Variants in APOB observed in about 807,000 individuals in gnomAD.
The protein encoded by APOB is apolipoprotein B-100.
A neutral mutation model predicts 314.1 loss-of-function variants in APOB; 153 were observed. The observed-to-expected ratio is 0.49, with a 90% CI of 0.43 to 0.56. The LOEUF (loss-of-function observed/expected upper bound fraction) is 0.56. APOB is among the 20% of genes least tolerant of loss of function. The pLI is 0.00. For missense variants in APOB, 5,430 were observed against 5,350.7 expected (o/e 1.01, Z -0.46); for synonymous variants, 2,087 against 2,036.4 (o/e 1.02, Z -0.67).
At chr2:21,027,711 G>T in intron 14 of APOB, 117 bp downstream of exon 14, 1 of 815,520 alleles carries the variant, frequency 1.2e-6, no homozygotes, top group Non-Finnish European at 2.1e-6. Context: ...TCAGAATCAT[G>T]GTAGGAAGTG....
intron 4 of APOB, among the ~76,000 whole-genome samples, chr2:21,039,596 C>T (rs1664085035): frequency 6.6e-6 from 1 of 152,224 alleles, no homozygotes; most frequent in East Asian, 1.9e-4. Context: ...ATGCTAATTA[C>T]TCTGATCTGA....
In APOB at chr2:21,005,678, G is replaced by A. The variant is rs75165693; in HGVS notation, c.11190C>T (p.Phe3730=). ...CATTTAGTTTCAGCCCAGGAATAAT[G>A]AATTTATCAGCCAAAACTTTTACAG... ...SIPVKVLADK[F]IIPGLKLNDL... Residue 3730 remains phenylalanine (F), a synonymous_variant, in exon 26 of 29, where the codon TTC becomes TTT. Transcript: ENST00000233242. The A allele has an allele frequency of 6.2e-7, 1 of 1,613,940 alleles. No individual in the cohort carries two copies. The highest frequency in any genetic ancestry group is 1.3e-5 in the African/African-American group (1 of 75,012).
Position 21,013,296 on chromosome 2 carries a change from C to G in APOB, c.4080G>C (p.Thr1360=), listed in dbSNP as rs374558307. 6 of 1,614,150 alleles carry G rather than the reference C, an allele frequency of 3.7e-6. No individual in the cohort carries two copies. In the Admixed American group the frequency reaches 8.3e-5, roughly 22 times the overall value. Residue 1360 remains threonine (T), a synonymous_variant, in exon 25 of 29, where the codon ACG becomes ACC. Coordinates refer to ENST00000233242, the MANE Select transcript of APOB (RefSeq NM_000384.3). The part of the protein sequence containing the change: ...VPLLGVLDLS[T]NVYSNLYNWS... ...AGTTGTACAAGTTGCTGTAGACATT[C>G]GTGGAGAGGTCTAGAACACCCAGGA...
Position 21,011,120 on chromosome 2 carries a change from T to C in APOB, c.5748A>G (p.Lys1916=). 1 of 1,614,000 alleles carries C rather than the reference T, an allele frequency of 6.2e-7. No individual in the cohort carries two copies. The highest frequency in any genetic ancestry group is 8.5e-7 in the Non-Finnish European group (1 of 1,179,990). Residue 1916 remains lysine (K), a synonymous_variant, in exon 26 of 29, where the codon AAA becomes AAG. Transcript: ENST00000233242. ...TIDAHTNGNG[K]LALWGEHTGQ... is the part of the protein sequence containing the mutation. Reference sequence around the variant, plus strand: ...CAGTATGTTCTCCCCAGAGAGCGAGTTTCCCATTGCCATTTGTATGTGCAT... The same window carrying C: ...CAGTATGTTCTCCCCAGAGAGCGAGCTTCCCATTGCCATTTGTATGTGCAT...
Position 21,043,956 on chromosome 2 carries a change from G to C in APOB, c.-11C>G. ...CCTCGGCGGGTCCATCGCCAGCTGC[G>C]GTGGGGCGGCTCCTGGGCTGCGGCC... On this transcript the variant is annotated 5_prime_UTR_variant, in exon 1 of 29. Coordinates refer to ENST00000233242, the MANE Select transcript of APOB (RefSeq NM_000384.3). The C allele has an allele frequency of 2.3e-6, 3 of 1,285,708 alleles. No homozygotes were observed. The highest frequency in any genetic ancestry group is 3.0e-6 in the Non-Finnish European group (3 of 1,008,652). The allele number at this position is 1,285,708 out of a possible 1,614,324, so 79.6% of individuals were successfully genotyped here.
rs953228158 is a variant in APOB at position 21,015,276 on chromosome 2, A to G, written c.3509-16T>C. The G allele has an allele frequency of 4.3e-6, 7 of 1,614,046 alleles. No homozygotes were observed. The Admixed American group carries it at 1.2e-4, about 27-fold the overall frequency. ...TTCTCTTCATCTGAAAATACGTAGG[A>G]AATAGTTGTGAATGGTACTAGTTCA... is the stretch of plus-strand genomic sequence containing the variant. On this transcript the variant is annotated splice_polypyrimidine_tract_variant and intron_variant, in intron 22 of 28. Coordinates refer to ENST00000233242, the MANE Select transcript of APOB (RefSeq NM_000384.3).
Position 21,003,158 on chromosome 2 carries a change from G to A in APOB, c.12264C>T (p.Tyr4088=), listed in dbSNP as rs140325875. ...TGVLYDYVNK[Y]HWEHTGLTLR... ...GGGTGAGCCCTGTGTGTTCCCAGTG[G>A]TACTTGTTGACATAATCATAAAGGA... is the stretch of plus-strand genomic sequence containing the variant. Residue 4088 remains tyrosine (Y), a synonymous_variant, in exon 29 of 29, where the codon TAC becomes TAT. Transcript: ENST00000233242. The A allele has an allele frequency of 2.5e-6, 4 of 1,613,792 alleles. No homozygotes were observed. In the African/African-American group the frequency reaches 5.3e-5, roughly 22 times the overall value.
At chr2:21,032,241 G>T in intron 10 of APOB, 113 bp downstream of exon 10, 1 of 948,548 alleles carries the variant, frequency 1.1e-6, no homozygotes, top group Non-Finnish European at 1.7e-6. Flanking sequence ...AAACACAAGA[G>T]TAAGGAGCAG....
chr2:21,043,875 CCCG>C lies in APOB; in HGVS notation c.68_70del (p.Ala23del). 1.3e-6 allele frequency: 2 copies of C among 1,494,274 alleles called. No homozygotes were observed. The highest frequency in any genetic ancestry group is 2.1e-5 in the Admixed American group (1 of 46,782). 92.6% of individuals were successfully genotyped at this position (1,494,274 alleles called of 1,614,324 possible). A position where few individuals can be genotyped will look rare whatever the true frequency, so the allele number is the denominator to read the frequency against. ...GGCCGCGCACTCACCGGCCCTGGCGCCCGCCAGCAGCAGCAGCAGCAGCGCAGG... is the reference window on the plus strand; with the variant it reads ...GGCCGCGCACTCACCGGCCCTGGCGCCCAGCAGCAGCAGCAGCAGCGCAGG... On this transcript the variant is annotated inframe_deletion, in exon 1 of 29. Transcript: ENST00000233242.
chr2:21,005,630 C>T lies in APOB; in HGVS notation c.11238G>A (p.Met3746Ile). 1 of 1,613,948 alleles carries T rather than the reference C, an allele frequency of 6.2e-7. No homozygotes were observed. Among genetic ancestry groups the T allele is most frequent in the South Asian group, 1.1e-5 (1 of 91,076 alleles). The change falls in exon 26 of 29, where the codon ATG becomes ATA. Residue 3746 changes from methionine to isoleucine, a missense_variant. Physicochemically the swap from Met to Ile is conservative, Grantham distance 10. Around this residue, in one of 3 missense-constraint regions of APOB, gnomAD observed 3,281 missense variants for 3,171.0 expected, o/e 1.03. Transcript: ENST00000233242. ...CTGTAAATGGGACATGGAACGTAGGCATGACAAGAACTGAATTTAGATCAT... is the reference window on the plus strand; with the variant it reads ...CTGTAAATGGGACATGGAACGTAGGTATGACAAGAACTGAATTTAGATCAT... ...KLNDLNSVLV[M>I]PTFHVPFTDL...
intron 14 of APOB, 63 bp downstream of exon 14, chr2:21,027,765 G>T: frequency 1.5e-6 from 2 of 1,304,138 alleles, no homozygotes; most frequent in South Asian, 1.2e-5. Context: ...CTGGCTCCCA[G>T]GGACTCTCTG....
rs780330757 is a variant in APOB, at chr2:21,038,124, G to A, written c.384-13C>T. 14 of 1,613,546 alleles carry A rather than the reference G, an allele frequency of 8.7e-6. No individual in the cohort carries two copies. The African/African-American group carries it at 1.2e-4, about 14-fold the overall frequency. On this transcript the variant is annotated splice_polypyrimidine_tract_variant and intron_variant, in intron 4 of 28. Coordinates refer to ENST00000233242, the MANE Select transcript of APOB (RefSeq NM_000384.3). ...CTTGAGCTCATACCTGTCCCAGAGA[G>A]AGGATGGTCACGGAAATGTCCTTCT... is the stretch of plus-strand genomic sequence containing the variant.
At position 21,007,660 on chromosome 2, in the gene APOB, A is replaced by G; in HGVS notation, c.9208T>C (p.Phe3070Leu). 6.2e-7 allele frequency: 1 copy of G among 1,614,102 alleles called. No homozygotes were observed. Among genetic ancestry groups the G allele is most frequent in the Non-Finnish European group, 8.5e-7 (1 of 1,179,948 alleles). Residue 3070 changes from phenylalanine (F) to leucine (L), a missense_variant, in exon 26 of 29, where the codon TTC (phenylalanine) becomes CTC (leucine). Physicochemically the swap from Phe to Leu is conservative, Grantham distance 22. Around this residue, in one of 3 missense-constraint regions of APOB, gnomAD observed 3,281 missense variants for 3,171.0 expected, o/e 1.03. Coordinates refer to ENST00000233242, the MANE Select transcript of APOB (RefSeq NM_000384.3). ...FPLRLTGKIDFLNNYALFLSP... is the reference protein window; with the variant it reads ...FPLRLTGKIDLLNNYALFLSP... ...AGAAACAGTGCATAGTTATTCAGGA[A>G]GTCTATCTTCCCTGTTAACCTTAAT...
rs763719794 is a variant in APOB, at chr2:21,011,996, A to G, written c.4872T>C (p.Leu1624=). 6.2e-7 allele frequency: 1 copy of G among 1,614,138 alleles called. No individual in the cohort carries two copies. The highest frequency in any genetic ancestry group is 8.5e-7 in the Non-Finnish European group (1 of 1,180,028). ...TGCCTAAGATGTCAGCATTTAACTC[A>G]AGACCATGGGAATTTAGTGATCCAG... is the stretch of plus-strand genomic sequence containing the variant. The part of the protein sequence containing the change: ...LLSGSLNSHG[L]ELNADILGTD... Residue 1624 remains leucine (L), a synonymous_variant, in exon 26 of 29, where the codon CTT becomes CTC. Transcript: ENST00000233242.
chr2:21,011,969 A>G lies in APOB; in HGVS notation c.4899T>C (p.Thr1633=), dbSNP rs752167595. The G allele has an allele frequency of 5.6e-6, 9 of 1,614,024 alleles. No individual in the cohort carries two copies. The South Asian group carries it at 8.8e-5, about 16-fold the overall frequency. Residue 1633 remains threonine (T), a synonymous_variant, in exon 26 of 29, where the codon ACT becomes ACC. Coordinates refer to ENST00000233242, the MANE Select transcript of APOB (RefSeq NM_000384.3). ...GLELNADILG[T]DKINSGAHKA... is the part of the protein sequence containing the mutation. ...TGTGAGCACCACTATTAATTTTGTC[A>G]GTGCCTAAGATGTCAGCATTTAACT...
intron 23 of APOB, 132 bp from the exon 24 acceptor site, chr2:21,014,725 T>C (rs976268981): frequency 1.1e-6 from 1 of 915,724 alleles, no homozygotes; most frequent in Admixed American, 2.4e-5. Context: ...TAAAAATAAA[T>C]AACAGAAAAT....
At chr2:21,042,236 G>C in intron 3 of APOB, 125 bp downstream of exon 3, 1 of 782,270 alleles carries the variant, frequency 1.3e-6, no homozygotes, top group Non-Finnish European at 2.3e-6. Flanking sequence ...GATTACAACA[G>C]TTCTGGGATG....
At chr2:21,028,099 A>C in intron 13 of APOB, 34 bp from the exon 14 acceptor site, 3 of 1,441,984 alleles carry the variant, frequency 2.1e-6, no homozygotes, top group Non-Finnish European at 2.9e-6. Flanking sequence ...GAGCTGACAC[A>C]CCATGTTATT....
chr2:21,006,599 C>A lies in APOB; in HGVS notation c.10269G>T (p.Val3423=). 6.2e-7 allele frequency: 1 copy of A among 1,614,052 alleles called. No individual in the cohort carries two copies. Among genetic ancestry groups the A allele is most frequent in the Non-Finnish European group, 8.5e-7 (1 of 1,179,978 alleles). The change falls in exon 26 of 29, where the codon GTG becomes GTT. Residue 3423 remains valine, a synonymous_variant. Coordinates refer to ENST00000233242, the MANE Select transcript of APOB (RefSeq NM_000384.3). ...GGGCTTTTGTGGTTGTTGCCACTGACACTTCCATATTTTTCGTGGTTAAGC... is the reference window on the plus strand; with the variant it reads ...GGGCTTTTGTGGTTGTTGCCACTGAAACTTCCATATTTTTCGTGGTTAAGC... ...TVSLTTKNME[V]SVATTTKAQI... is the part of the protein sequence containing the mutation.
Sources: allele counts gnomAD v4.1 joint callset (sites outside exome capture counted in the v4.1 genomes callset), GRCh38; gene constraint gnomAD v4.1.1; regional missense constraint gnomAD v4.1.1; transcripts MANE v1.5; gene names NCBI Gene and HGNC (gene_info 2026-07-23, HGNC 2026-07-21).